The following CYP7A1 variants were observed in gnomAD, a reference collection of about 807,000 sequenced individuals.
The protein encoded by CYP7A1 is cytochrome P450 family 7 subfamily A member 1.
A neutral mutation model predicts 43.8 loss-of-function variants in CYP7A1; 28 were observed. That is an observed-to-expected ratio of 0.64 (90% CI 0.47 to 0.88). The LOEUF is 0.88. Among genes scored for constraint, CYP7A1 ranks in the 40% least tolerant of loss-of-function variants. The pLI is 0.00. For missense variants in CYP7A1, 637 were observed against 611.9 expected, an observed-to-expected ratio of 1.04 and a Z score of -0.43; for synonymous variants, 227 against 222.5, an observed-to-expected ratio of 1.02 and a Z score of -0.18.
intron 5 of CYP7A1, 64 bp downstream of exon 5, chr8:58,492,289 T>G: frequency 8.0e-7 from 1 of 1,245,452 alleles, no homozygotes; most frequent in South Asian, 1.2e-5. Context: ...ATTGTAAATT[T>G]CCTCTTTATT....
At chr8:58,497,249 G>T (rs1809460256) in intron 2 of CYP7A1, 59 bp from the exon 3 acceptor site, 1 of 1,396,402 alleles carries the variant, frequency 7.2e-7, no homozygotes, top group South Asian at 1.2e-5. Context: ...CATAGTAAAT[G>T]ACTGAAAAAC....
Position 58,496,532 on chromosome 8 carries a change from CTTAAAG to C in CYP7A1, c.908+66_908+71del, listed in dbSNP as rs149183844. On this transcript the variant is annotated intron_variant, in intron 3 of 5. Transcript: ENST00000301645. ...GATAAAGTACTACGAGGCTTTTTTT[CTTAAAG>C]TTAAAGTGGTTTAATTTCTACTTTC... The C allele has an allele frequency of 2.9e-4, 371 of 1,271,744 alleles. 1 individual carries two copies. The East Asian group carries it at 6.1e-3, about 21-fold the overall frequency. The allele number at this position is 1,271,744 out of a possible 1,614,324, so 78.8% of individuals were successfully genotyped here. A position where few individuals can be genotyped will look rare whatever the true frequency, so the allele number is the denominator to read the frequency against.
chr8:58,498,141 A>C, intron 2 of CYP7A1, 88 bp downstream of exon 2: 1 of 1,483,486 alleles, frequency 6.7e-7, no homozygotes, highest in Non-Finnish European at 9.3e-7. Flanking sequence ...TTTATCATAA[A>C]ATCTAAGTAC....
intron 3 of CYP7A1, among the ~76,000 whole-genome samples, chr8:58,496,176 G>C (rs1809439481): frequency 6.6e-6 from 1 of 152,158 alleles, no homozygotes; most frequent in South Asian, 2.1e-4. Context: ...AATAAGTAAG[G>C]CATAGTCACC....
intron 3 of CYP7A1, among the ~76,000 whole-genome samples, chr8:58,495,311 C>T (rs1338868217): frequency 2.0e-5 from 3 of 150,982 alleles, no homozygotes; most frequent in Admixed American, 6.6e-5. Context: ...CCGCAAGCTC[C>T]GCCTCCCGGG....
At chr8:58,492,703 CCA>C (rs1225976864) in intron 4 of CYP7A1, among the ~76,000 whole-genome samples, 175 bp from the exon 5 acceptor site, 1 of 152,056 alleles carries the variant, frequency 6.6e-6, no homozygotes, top group Non-Finnish European at 1.5e-5. Flanking sequence ...TAAAAATTTC[CCA>C]AACTTTCTTT....
intron 4 of CYP7A1, among the ~76,000 whole-genome samples, chr8:58,493,738 G>A (rs569833882): frequency 3.8e-4 from 58 of 152,288 alleles, no homozygotes; most frequent in African/African-American, 1.4e-3. Context: ...GGTGGCTCAT[G>A]CCTGTAATCC....
In CYP7A1 at chr8:58,497,131, G is replaced by A. The variant is rs1190840570; in HGVS notation, c.381C>T (p.Asp127=). 3 of 1,599,866 alleles carry A rather than the reference G, an allele frequency of 1.9e-6. No individual in the cohort carries two copies. In the South Asian group the frequency reaches 3.3e-5, roughly 18 times the overall value. ...MDGNTTENIN[D]TFIKTLQGHA... ...GGCCCTGCAGGGTTTTGATGAAAGT[G>A]TCGTTTATGTTTTCAGTGGTATTTC... Residue 127 remains aspartate, a synonymous_variant, in exon 3 of 6, where the codon GAC becomes GAT. Coordinates refer to ENST00000301645, the MANE Select transcript of CYP7A1 (RefSeq NM_000780.4).
At chr8:58,496,284 A>G (rs751020033) in intron 3 of CYP7A1, among the ~76,000 whole-genome samples, 2 of 152,348 alleles carry the variant, frequency 1.3e-5, no homozygotes, top group African/African-American at 2.4e-5. Flanking sequence ...GAAGAACAGT[A>G]TGGGGTTAAG....
chr8:58,496,702 A>T lies in CYP7A1; in HGVS notation c.810T>A (p.Phe270Leu). Residue 270 changes from phenylalanine (F) to leucine (L), a missense_variant, in exon 3 of 6, where the codon TTT (phenylalanine) becomes TTA (leucine). By Grantham distance (22) the Phe-to-Leu change is conservative. Coordinates refer to ENST00000301645, the MANE Select transcript of CYP7A1 (RefSeq NM_000780.4). ...RMFLNDTLST[F>L]DDLEKAKTHL... The stretch of plus-strand genomic sequence containing the variant: ...GTGTCTTGGCCTTCTCCAGATCATC[A>T]AAGGTGGACAAAGTGTCATTGAGAA... 1 of 1,614,190 alleles carries T rather than the reference A, an allele frequency of 6.2e-7. No homozygotes were observed. The highest frequency in any genetic ancestry group is 8.5e-7 in the Non-Finnish European group (1 of 1,180,026).
In CYP7A1 at chr8:58,497,060, C is replaced by G. The variant is rs777753834; in HGVS notation, c.452G>C (p.Arg151Pro). 2 of 1,604,936 alleles carry G rather than the reference C, an allele frequency of 1.2e-6. No individual in the cohort carries two copies. Among genetic ancestry groups the G allele is most frequent in the Middle Eastern group, 1.7e-4 (1 of 6,060 alleles). The change falls in exon 3 of 6, where the codon CGT (arginine) becomes CCT (proline). Residue 151 changes from arginine to proline, a missense_variant. Arg to Pro is a moderately radical substitution (Grantham distance 103). Coordinates refer to ENST00000301645, the MANE Select transcript of CYP7A1 (RefSeq NM_000780.4). The part of the protein sequence containing the change: ...LTESMMENLQ[R>P]IMRPPVSSNS... ...AGAGGAGACTGGAGGTCTCATGATA[C>G]GTTGGAGGTTTTCCATCATGCTTTC...
Position 58,496,769 on chromosome 8 carries a change from T to A in CYP7A1, c.743A>T (p.Gln248Leu), listed in dbSNP as rs376522590. The change falls in exon 3 of 6, where the codon CAA becomes CTA. Residue 248 changes from glutamine (Q) to leucine (L), a missense_variant. Transcript: ENST00000301645. ...CAGTTCTGAGATGCTTTCCCTCTTT[T>A]GGAGGTTCTCGTGCCTCAAGCTCTC... ...LAESLRHENL[Q>L]KRESISELIS... 20 of 1,614,108 alleles carry A rather than the reference T, an allele frequency of 1.2e-5. No homozygotes were observed. The highest frequency in any genetic ancestry group is 1.7e-5 in the Non-Finnish European group (20 of 1,180,052).
intron 4 of CYP7A1, among the ~76,000 whole-genome samples, chr8:58,493,198 A>C (rs1235990009): frequency 6.6e-6 from 1 of 152,230 alleles, no homozygotes; most frequent in African/African-American, 2.4e-5. Flanking sequence ...AACTGGAAAA[A>C]TCAGTAATAC....
At position 58,496,566 on chromosome 8, in the gene CYP7A1, CTAAAATAAAAAAAAGAAA is replaced by C; in HGVS notation, c.908+20_908+37del. The C allele has an allele frequency of 6.5e-7, 1 of 1,541,638 alleles. No homozygotes were observed. The highest frequency in any genetic ancestry group is 8.9e-7 in the Non-Finnish European group (1 of 1,119,746). ...AAAGTGGTTTAATTTCTACTTTCTA[CTAAAATAAAAAAAAGAAA>C]TGGATATGGCGTTAGTCACCTAATC... is the stretch of plus-strand genomic sequence containing the variant. On this transcript the variant is annotated intron_variant, in intron 3 of 5. Transcript: ENST00000301645.
At chr8:58,498,138 T>TA in intron 2 of CYP7A1, 91 bp downstream of exon 2, 1 of 1,466,462 alleles carries the variant, frequency 6.8e-7, no homozygotes, top group Non-Finnish European at 9.4e-7. Context: ...ACCTTTATCA[T>TA]AAAATCTAAG....
At chr8:58,493,160 A>G (rs1446971816) in intron 4 of CYP7A1, among the ~76,000 whole-genome samples, 2 of 152,234 alleles carry the variant, frequency 1.3e-5, no homozygotes, top group Non-Finnish European at 2.9e-5. Flanking sequence ...ACAAAATTCC[A>G]TCATTTTATA....
At position 58,496,808 on chromosome 8, in the gene CYP7A1, C is replaced by T. The variant is rs141299456; in HGVS notation, c.704G>A (p.Arg235Gln). Residue 235 changes from arginine to glutamine, a missense_variant, in exon 3 of 6, where the codon CGG (arginine) becomes CAG (glutamine). Physicochemically the swap from Arg to Gln is conservative, Grantham distance 43 (BLOSUM62 1). Coordinates refer to ENST00000301645, the MANE Select transcript of CYP7A1 (RefSeq NM_000780.4). ...CCTCAAGCTCTCTGCCAGTTTCTCC[C>T]GGGCATTGTGCGCAGTCCTGAACAT... ...IHMFRTAHNA[R>Q]EKLAESLRHE... 40 of 1,614,140 alleles carry T rather than the reference C, an allele frequency of 2.5e-5. No homozygotes were observed. The highest frequency in any genetic ancestry group is 7.7e-5 in the South Asian group (7 of 91,072).
At chr8:58,494,734 T>A in intron 3 of CYP7A1, 98 bp from the exon 4 acceptor site, 3 of 1,147,132 alleles carry the variant, frequency 2.6e-6, no homozygotes, top group Non-Finnish European at 3.9e-6. Flanking sequence ...TTCTTTTAAC[T>A]AGATGGTGAA....
chr8:58,491,188 A>C lies in CYP7A1; in HGVS notation c.*287T>G. ...ATAAAATAAAGGTGTTTTCCTTTGA[A>C]AATAATAAACTTCAATCCCTGGCTA... is the stretch of plus-strand genomic sequence containing the variant. On this transcript the variant is annotated 3_prime_UTR_variant, in exon 6 of 6. Transcript: ENST00000301645. 1 of 387,168 alleles carries C rather than the reference A, an allele frequency of 2.6e-6. No individual in the cohort carries two copies. The highest frequency in any genetic ancestry group is 4.7e-6 in the Non-Finnish European group (1 of 214,796). 24.0% of individuals were successfully genotyped at this position (387,168 alleles called of 1,614,324 possible). A position where few individuals can be genotyped will look rare whatever the true frequency, so the allele number is the denominator to read the frequency against.
Sources: allele counts gnomAD v4.1 joint callset (sites outside exome capture counted in the v4.1 genomes callset), GRCh38; gene constraint gnomAD v4.1.1; transcripts MANE v1.5; gene names NCBI Gene and HGNC (gene_info 2026-07-23, HGNC 2026-07-21).